The following STAG1 variants were observed in gnomAD, a reference collection of about 807,000 sequenced individuals.
STAG1 encodes the protein STAG1 cohesin complex component, also known as cohesin subunit SA-1.
Under a neutral mutation model 170.9 loss-of-function variants are expected in STAG1, and 26 were observed. The observed-to-expected ratio is 0.15, with a 90% confidence interval of 0.11 to 0.21. STAG1 has a LOEUF of 0.21. STAG1 is among the 10% of genes least tolerant of loss of function. The pLI is 1.00. For synonymous variants in STAG1, 514 were observed against 497.7 expected (o/e 1.03, Z -0.44); for missense variants, 964 against 1,509.5 (o/e 0.64, Z 5.99).
chr3:136,706,427 G>A (rs1943230053), intron 1 of STAG1, among the ~76,000 whole-genome samples: 1 of 152,098 alleles, frequency 6.6e-6, no homozygotes, highest in Non-Finnish European at 1.5e-5. Context: ...AATCAGTTGT[G>A]TTCCTACACA....
intron 1 of STAG1, among the ~76,000 whole-genome samples, chr3:136,697,863 A>T (rs1942944391): frequency 6.6e-6 from 1 of 152,234 alleles, no homozygotes; most frequent in Non-Finnish European, 1.5e-5. Context: ...TATAGGGATT[A>T]GAAGATACAT....
intron 2 of STAG1, among the ~76,000 whole-genome samples, chr3:136,630,096 G>A (rs1398652195): frequency 1.3e-5 from 2 of 152,130 alleles, no homozygotes; most frequent in Non-Finnish European, 2.9e-5. Flanking sequence ...TCAGGAGGTC[G>A]AGGCAGGAGA....
At chr3:136,522,091 G>A (rs1057018370) in intron 6 of STAG1, among the ~76,000 whole-genome samples, 1 of 152,188 alleles carries the variant, frequency 6.6e-6, no homozygotes. Flanking sequence ...TCTGTCTAGT[G>A]TAAGACACTT....
chr3:136,428,211 C>T (rs2088190140), intron 16 of STAG1, among the ~76,000 whole-genome samples: 1 of 152,114 alleles, frequency 6.6e-6, no homozygotes, highest in Non-Finnish European at 1.5e-5. Context: ...TCAGGACTGC[C>T]CTTATCTGTA....
chr3:136,489,653 A>T (rs1358615166), intron 9 of STAG1, among the ~76,000 whole-genome samples: 2 of 152,218 alleles, frequency 1.3e-5, no homozygotes, highest in Non-Finnish European at 2.9e-5. Context: ...AGGAAAAAAA[A>T]AATCACATTT....
chr3:136,370,914 T>C (rs1318420199), intron 23 of STAG1, among the ~76,000 whole-genome samples: 1 of 152,236 alleles, frequency 6.6e-6, no homozygotes, highest in Non-Finnish European at 1.5e-5. Context: ...TGTCTAGTTC[T>C]AGATTCCTGA....
At chr3:136,356,148 C>A (rs768040702) in intron 28 of STAG1, among the ~76,000 whole-genome samples, 1 of 151,870 alleles carries the variant, frequency 6.6e-6, no homozygotes, top group Non-Finnish European at 1.5e-5. Flanking sequence ...CCTCAGCCTC[C>A]GGAATAGCTG....
At chr3:136,423,097 A>G in intron 16 of STAG1, 53 bp from the exon 17 acceptor site, 2 of 1,230,600 alleles carry the variant, frequency 1.6e-6, no homozygotes, top group Non-Finnish European at 2.3e-6. Flanking sequence ...TATAAATCCA[A>G]ACTGTTACAT....
intron 2 of STAG1, among the ~76,000 whole-genome samples, chr3:136,626,527 C>A (rs370106392): frequency 9.2e-5 from 14 of 151,940 alleles, no homozygotes; most frequent in African/African-American, 3.4e-4. Context: ...GGTGACATAA[C>A]ATAAATGCAG....
chr3:136,477,438 T>C (rs749749681), intron 9 of STAG1, 26 bp from the exon 10 acceptor site: 8 of 1,579,558 alleles, frequency 5.1e-6, no homozygotes, highest in Admixed American at 1.8e-5. Flanking sequence ...AAAGACAATC[T>C]CAAATTAATA....
chr3:136,714,189 G>A (rs1191467765), intron 1 of STAG1, among the ~76,000 whole-genome samples: 1 of 151,964 alleles, frequency 6.6e-6, no homozygotes, highest in Admixed American at 6.6e-5. Flanking sequence ...GAGCAACAAA[G>A]CAAGGCCCTA....
intron 9 of STAG1, among the ~76,000 whole-genome samples, chr3:136,485,852 A>C (rs967071994): frequency 3.3e-5 from 5 of 152,194 alleles, no homozygotes; most frequent in Admixed American, 6.5e-5. Flanking sequence ...CTGATGTTTT[A>C]ATTTTAGCCA....
chr3:136,632,267 A>G (rs769387709), intron 1 of STAG1, among the ~76,000 whole-genome samples: 1 of 152,250 alleles, frequency 6.6e-6, no homozygotes, highest in Non-Finnish European at 1.5e-5. Context: ...ACAAAAACTG[A>G]AATCAACTTT....
At chr3:136,450,238 C>A (rs1333691416) in intron 14 of STAG1, among the ~76,000 whole-genome samples, 1 of 152,072 alleles carries the variant, frequency 6.6e-6, no homozygotes, top group African/African-American at 2.4e-5. Context: ...AAAGTGTGAT[C>A]CTTGGACCAC....
At chr3:136,477,664 G>A (rs1426101505) in intron 9 of STAG1, among the ~76,000 whole-genome samples, 5 of 152,110 alleles carry the variant, frequency 3.3e-5, no homozygotes, top group Admixed American at 1.3e-4. Flanking sequence ...GCTAGACAAT[G>A]ACATTTGGAG....
At chr3:136,682,622 G>T (rs1317192750) in intron 1 of STAG1, among the ~76,000 whole-genome samples, 7 of 151,646 alleles carry the variant, frequency 4.6e-5, no homozygotes, top group Non-Finnish European at 1.0e-4. Context: ...ATTAAGAAAA[G>T]AATTCCATTT....
At chr3:136,368,445 T>G (rs1040170773) in intron 24 of STAG1, among the ~76,000 whole-genome samples, 2 of 152,192 alleles carry the variant, frequency 1.3e-5, no homozygotes, top group Non-Finnish European at 2.9e-5. Context: ...GTTTTGTTCA[T>G]TTAAGTAATA....
intron 2 of STAG1, 133 bp downstream of exon 2, chr3:136,630,737 C>A: frequency 1.4e-6 from 1 of 708,662 alleles, no homozygotes; most frequent in Non-Finnish European, 2.4e-6. Context: ...CTACTACTTA[C>A]ACTGCAAAGA....
At chr3:136,626,107 A>G (rs1267409910) in intron 2 of STAG1, among the ~76,000 whole-genome samples, 1 of 151,444 alleles carries the variant, frequency 6.6e-6, no homozygotes, top group Non-Finnish European at 1.5e-5. Flanking sequence ...ATTGTAAATG[A>G]TGTCCAGGGT....
Sources: gnomAD v4.1 joint callset for allele counts (sites outside exome capture counted in the v4.1 genomes callset) on GRCh38, gnomAD v4.1.1 for gene constraint, MANE v1.5 for transcripts, NCBI Gene and HGNC (gene_info 2026-07-23, HGNC 2026-07-21) for gene names.